The following COBL variants were observed in gnomAD, a reference collection of about 807,000 sequenced individuals.
COBL encodes the protein cordon-bleu WH2 repeat protein.
In COBL, 51 loss-of-function variants were observed where a neutral mutation model predicts 98.8. The observed-to-expected ratio is 0.52, with a 90% confidence interval of 0.41 to 0.65. The LOEUF (loss-of-function observed/expected upper bound fraction) is 0.65. Among genes scored for constraint, COBL ranks in the 30% least tolerant of loss-of-function variants. The pLI is 0.00. For missense variants in COBL, 1,617 were observed against 1,617.5 expected (o/e 1.00, Z 0.01); for synonymous variants, 634 against 651.7 (o/e 0.97, Z 0.41).
intron 5 of COBL, among the ~76,000 whole-genome samples, chr7:51,167,538 A>G (rs1207094127): frequency 6.6e-6 from 1 of 152,196 alleles, no homozygotes; most frequent in African/African-American, 2.4e-5. Flanking sequence ...ATGTCTATCA[A>G]AATACCAATG....
At chr7:51,170,506 G>GATATATATATATATATAT (rs3047166) in intron 5 of COBL, among the ~76,000 whole-genome samples, 3 of 132,074 alleles carry the variant, frequency 2.3e-5, no homozygotes, top group African/African-American at 8.9e-5. Context: ...CTGACACTGT[G>GATATATATATATATATAT]ATATATATAT....
At chr7:51,233,866 A>G (rs1274973911) in intron 1 of COBL, among the ~76,000 whole-genome samples, 1 of 152,216 alleles carries the variant, frequency 6.6e-6, no homozygotes, top group Non-Finnish European at 1.5e-5. Context: ...AAACTTGTGC[A>G]TGTTTGCTAT....
chr7:51,193,663 G>A (rs1790332944), intron 2 of COBL, 74 bp from the exon 3 acceptor site: 1 of 1,313,212 alleles, frequency 7.6e-7, no homozygotes, highest in East Asian at 2.4e-5. Flanking sequence ...AATAAGGGTA[G>A]AACAAATGAA....
chr7:51,279,008 G>A (rs1452828146), intron 1 of COBL, among the ~76,000 whole-genome samples: 1 of 152,248 alleles, frequency 6.6e-6, no homozygotes, highest in Non-Finnish European at 1.5e-5. Flanking sequence ...TTGCAGTCCT[G>A]TAAGGAGTGA....
At chr7:51,245,645 T>C (rs1306456322) in intron 1 of COBL, among the ~76,000 whole-genome samples, 1 of 152,214 alleles carries the variant, frequency 6.6e-6, no homozygotes, top group Non-Finnish European at 1.5e-5. Context: ...GGACCTACCA[T>C]TTACAAGGTA....
At position 51,080,388 on chromosome 7, in the gene COBL, T is replaced by C. The variant is rs145834645; in HGVS notation, c.1096+4778A>G. Among the ~76,000 whole-genome samples, 94 of 152,268 alleles carry C rather than the reference T, an allele frequency of 6.2e-4. 2 individuals carry two copies. The East Asian group carries it at 0.017, about 28-fold the overall frequency. On this transcript the variant is annotated intron_variant, in intron 7 of 12. Coordinates refer to ENST00000265136, the MANE Select transcript of COBL (RefSeq NM_015198.5). ...ATACCATCTGCTGTAGCAATCACAA[T>C]GGATGTGAAAGCCACAGTGTCCCCT...
intron 1 of COBL, among the ~76,000 whole-genome samples, chr7:51,256,624 G>A (rs1297616564): frequency 1.3e-5 from 2 of 152,214 alleles, no homozygotes; most frequent in Non-Finnish European, 2.9e-5. Context: ...GGCCTCCAGA[G>A]CACTCCTGCA....
intron 2 of COBL, among the ~76,000 whole-genome samples, chr7:51,194,110 C>G (rs1019686408): frequency 1.3e-5 from 2 of 152,158 alleles, no homozygotes; most frequent in African/African-American, 4.8e-5. Flanking sequence ...CTCCCACCCT[C>G]CATCCTCTGA....
intron 6 of COBL, among the ~76,000 whole-genome samples, chr7:51,108,309 C>T (rs967562497): frequency 6.2e-5 from 7 of 113,346 alleles, no homozygotes; most frequent in African/African-American, 1.8e-4. Flanking sequence ...GAGGCTCATC[C>T]GCTGCTGTGT....
At chr7:51,055,220 G>A (rs748116603) in intron 7 of COBL, among the ~76,000 whole-genome samples, 2 of 152,120 alleles carry the variant, frequency 1.3e-5, no homozygotes, top group African/African-American at 4.8e-5. Flanking sequence ...GGGCCCCAGC[G>A]CGCATCCTTC....
intron 6 of COBL, among the ~76,000 whole-genome samples, chr7:51,106,731 G>C (rs1796307268): frequency 1.3e-5 from 2 of 152,152 alleles, no homozygotes; most frequent in African/African-American, 4.8e-5. Flanking sequence ...TAAAATGAAA[G>C]GCCTCTTCAC....
At chr7:51,170,139 A>T (rs1338531718) in intron 5 of COBL, among the ~76,000 whole-genome samples, 1 of 151,962 alleles carries the variant, frequency 6.6e-6, no homozygotes, top group Non-Finnish European at 1.5e-5. Context: ...GCACACTTAG[A>T]TTTCTGATTC....
At chr7:51,092,293 T>C (rs1286353598) in intron 6 of COBL, among the ~76,000 whole-genome samples, 1 of 152,252 alleles carries the variant, frequency 6.6e-6, no homozygotes, top group Non-Finnish European at 1.5e-5. Flanking sequence ...TGGGGACTAC[T>C]GCTTCATCTG....
intron 8 of COBL, chr7:51,034,277 G>C (rs1788419960): frequency 1.3e-5 from 2 of 152,394 alleles, no homozygotes; most frequent in Non-Finnish European, 2.9e-5. Flanking sequence ...CATGAGCTAG[G>C]AGCTCCCAGC....
At chr7:51,263,990 G>A (rs1309151451) in intron 1 of COBL, among the ~76,000 whole-genome samples, 3 of 152,170 alleles carry the variant, frequency 2.0e-5, no homozygotes, top group Admixed American at 6.5e-5. Flanking sequence ...CACAAGGGAG[G>A]TGCTGTTATT....
At chr7:51,198,614 G>A (rs1016755789) in intron 2 of COBL, among the ~76,000 whole-genome samples, 1 of 152,076 alleles carries the variant, frequency 6.6e-6, no homozygotes, top group Non-Finnish European at 1.5e-5. Context: ...CAAGAAGTTG[G>A]GCACAGGTTT....
At chr7:51,265,404 G>A (rs1287629966) in intron 1 of COBL, among the ~76,000 whole-genome samples, 1 of 152,174 alleles carries the variant, frequency 6.6e-6, no homozygotes, top group African/African-American at 2.4e-5. Context: ...CAGGCAAACC[G>A]CCACCAGGCT....
chr7:51,054,116 G>C (rs960812190), intron 7 of COBL, among the ~76,000 whole-genome samples: 3 of 152,214 alleles, frequency 2.0e-5, no homozygotes, highest in Admixed American at 1.3e-4. Context: ...AGGAGACAGA[G>C]GTTGCAGTGA....
At chr7:51,057,572 T>C (rs1327878505) in intron 7 of COBL, among the ~76,000 whole-genome samples, 1 of 152,148 alleles carries the variant, frequency 6.6e-6, no homozygotes, top group Non-Finnish European at 1.5e-5. Flanking sequence ...AAGATCAGCA[T>C]CAGGGCCCAT....
Sources: gnomAD v4.1 joint callset for allele counts (sites outside exome capture counted in the v4.1 genomes callset) on GRCh38, gnomAD v4.1.1 for gene constraint, MANE v1.5 for transcripts, NCBI Gene and HGNC (gene_info 2026-07-23, HGNC 2026-07-21) for gene names.